Variants in BMAL1 observed in about 807,000 individuals in gnomAD.
The protein encoded by BMAL1 is basic helix-loop-helix ARNT like 1.
chr11:13,356,691 C>T, the BMAL1 span: 11 of 1,609,582 alleles, frequency 6.8e-6, no homozygotes, highest in East Asian at 2.5e-4. Context: ...AGAAGCTCTT[C>T]TGTATGTCTT....
At chr11:13,343,979 A>G in the BMAL1 span, among the ~76,000 whole-genome samples, 3 of 152,286 alleles carry the variant, frequency 2.0e-5, no homozygotes, top group African/African-American at 7.2e-5. Context: ...ACAAGCATCT[A>G]GAGCTACCAG....
the BMAL1 span, among the ~76,000 whole-genome samples, chr11:13,298,145 A>G: frequency 6.6e-6 from 1 of 152,172 alleles, no homozygotes; most frequent in Non-Finnish European, 1.5e-5. Flanking sequence ...TGGTGCATGT[A>G]AGTGGCACTC....
chr11:13,359,589 C>T, the BMAL1 span, among the ~76,000 whole-genome samples: 1 of 152,168 alleles, frequency 6.6e-6, no homozygotes, highest in East Asian at 1.9e-4. Context: ...ATGGTTGCAA[C>T]ACGTCCTGTC....
chr11:13,312,199 C>T, the BMAL1 span, among the ~76,000 whole-genome samples: 6 of 152,202 alleles, frequency 3.9e-5, no homozygotes, highest in Non-Finnish European at 5.9e-5. Flanking sequence ...TTCATCTTTG[C>T]AATGACCTAT....
At chr11:13,304,736 C>T in the BMAL1 span, among the ~76,000 whole-genome samples, 2 of 152,196 alleles carry the variant, frequency 1.3e-5, no homozygotes, top group Non-Finnish European at 2.9e-5. Flanking sequence ...GATATGCCTA[C>T]TGGAGTCCAC....
the BMAL1 span, among the ~76,000 whole-genome samples, chr11:13,338,239 A>AT: frequency 6.6e-5 from 10 of 152,152 alleles, no homozygotes; most frequent in Non-Finnish European, 7.4e-5. Context: ...AGGAAAAAAA[A>AT]CAAGCCGATT....
the BMAL1 span, among the ~76,000 whole-genome samples, chr11:13,386,258 C>T: frequency 6.6e-6 from 1 of 152,180 alleles, no homozygotes; most frequent in Admixed American, 6.5e-5. Flanking sequence ...CTCCTCTTAA[C>T]TGGTTACATC....
At chr11:13,367,125 C>T in the BMAL1 span, among the ~76,000 whole-genome samples, 2 of 151,986 alleles carry the variant, frequency 1.3e-5, no homozygotes, top group African/African-American at 4.8e-5. Flanking sequence ...GATTTGTTCT[C>T]CCAGAACAAA....
At chr11:13,312,569 G>A in the BMAL1 span, among the ~76,000 whole-genome samples, 1 of 152,308 alleles carries the variant, frequency 6.6e-6, no homozygotes, top group Non-Finnish European at 1.5e-5. Context: ...CCTTGGGCTT[G>A]GAAAGAAAAT....
At chr11:13,309,219 G>A in the BMAL1 span, among the ~76,000 whole-genome samples, 1 of 152,148 alleles carries the variant, frequency 6.6e-6, no homozygotes, top group Non-Finnish European at 1.5e-5. Flanking sequence ...GAGGTAATGT[G>A]GAGAAGAGTG....
chr11:13,279,595 G>A, the BMAL1 span, among the ~76,000 whole-genome samples: 2 of 151,958 alleles, frequency 1.3e-5, no homozygotes, highest in African/African-American at 4.8e-5. Context: ...AAAATTCGCT[G>A]GTGTTATATT....
chr11:13,279,018 G>C, the BMAL1 span, among the ~76,000 whole-genome samples: 1 of 152,142 alleles, frequency 6.6e-6, no homozygotes, highest in Non-Finnish European at 1.5e-5. Flanking sequence ...GCTGGACACC[G>C]GCGCCTGCTG....
the BMAL1 span, among the ~76,000 whole-genome samples, chr11:13,319,998 G>A: frequency 3.3e-5 from 5 of 152,222 alleles, no homozygotes; most frequent in Non-Finnish European, 5.9e-5. Context: ...GGAAGTGATG[G>A]TCCAAGACTT....
At chr11:13,340,547 T>A in the BMAL1 span, among the ~76,000 whole-genome samples, 1 of 151,982 alleles carries the variant, frequency 6.6e-6, no homozygotes, top group East Asian at 1.9e-4. Flanking sequence ...TTCTTTGGAG[T>A]CCTCAATGCT....
chr11:13,321,127 C>G, the BMAL1 span, among the ~76,000 whole-genome samples: 1 of 152,202 alleles, frequency 6.6e-6, no homozygotes, highest in Admixed American at 6.5e-5. Flanking sequence ...TTGAAATACT[C>G]AGCCACTGAA....
At chr11:13,372,818 AAG>A in the BMAL1 span, among the ~76,000 whole-genome samples, 40 of 152,172 alleles carry the variant, frequency 2.6e-4, no homozygotes, top group Non-Finnish European at 4.3e-4. Context: ...TTCAAAAAAA[AAG>A]AGACAAATGA....
the BMAL1 span, among the ~76,000 whole-genome samples, chr11:13,295,908 C>T: frequency 1.3e-5 from 2 of 152,192 alleles, no homozygotes; most frequent in African/African-American, 2.4e-5. Context: ...CACCCAGCCA[C>T]CCCCAGTCCC....
At chr11:13,284,132 A>ATATATATATGTGTG in the BMAL1 span, among the ~76,000 whole-genome samples, 3 of 70,298 alleles carry the variant, frequency 4.3e-5, no homozygotes, top group African/African-American at 1.5e-4. Flanking sequence ...GTGTGTGTAT[A>ATATATATATGTGTG]TATATATATA....
chr11:13,352,195 C>T, the BMAL1 span, among the ~76,000 whole-genome samples: 19 of 152,122 alleles, frequency 1.2e-4, no homozygotes, highest in East Asian at 2.3e-3. Flanking sequence ...GAGTCCTCAG[C>T]GGAGAATGGA....
Sources: gnomAD v4.1 joint callset for allele counts (sites outside exome capture counted in the v4.1 genomes callset) on GRCh38, gnomAD v4.1.1 for gene constraint, MANE v1.5 for transcripts, NCBI Gene and HGNC (gene_info 2026-07-23, HGNC 2026-07-21) for gene names.